NEGR1: variants seen among roughly 807,000 people sequenced by gnomAD.
NEGR1 encodes the protein neuronal growth regulator 1, also known as IgLON family member 4.
A neutral mutation model predicts 40.9 loss-of-function variants in NEGR1; 10 were observed. The ratio of observed to expected loss-of-function variants is 0.24; its 90% CI spans 0.15 to 0.42. NEGR1 has a LOEUF of 0.42. Ranked by LOEUF, NEGR1 falls within the 10% of genes least tolerant of loss-of-function variation. The pLI is 1.00. For missense variants in NEGR1, 352 were observed against 438.9 expected, an observed-to-expected ratio of 0.80 and a Z score of 1.77; for synonymous variants, 185 against 166.8, an observed-to-expected ratio of 1.11 and a Z score of -0.84.
intron 1 of NEGR1, among the ~76,000 whole-genome samples, chr1:72,097,216 A>G (rs1305709817): frequency 1.3e-5 from 2 of 152,196 alleles, no homozygotes; most frequent in Non-Finnish European, 2.9e-5. Context: ...TAGCTAATCA[A>G]TATTTTAACT....
chr1:72,165,638 C>A (rs1428710083), intron 1 of NEGR1, among the ~76,000 whole-genome samples: 1 of 152,008 alleles, frequency 6.6e-6, no homozygotes, highest in Admixed American at 6.6e-5. Context: ...ATCAAGTGCC[C>A]CTTCTTACCA....
intron 2 of NEGR1, among the ~76,000 whole-genome samples, chr1:71,777,703 T>A (rs1656560988): frequency 6.6e-6 from 1 of 152,062 alleles, no homozygotes. Flanking sequence ...GTTGTGACGA[T>A]AAATTACCCA....
chr1:72,235,250 T>C (rs748120217), intron 1 of NEGR1, among the ~76,000 whole-genome samples: 1 of 152,026 alleles, frequency 6.6e-6, no homozygotes, highest in Non-Finnish European at 1.5e-5. Flanking sequence ...GTCCTTGGGA[T>C]AGAATAACAT....
At chr1:71,843,248 T>C (rs1659303889) in intron 2 of NEGR1, among the ~76,000 whole-genome samples, 1 of 152,084 alleles carries the variant, frequency 6.6e-6, no homozygotes, top group South Asian at 2.1e-4. Flanking sequence ...GCTTGTCCTA[T>C]TGCACAGAAA....
chr1:71,732,222 C>T (rs967095887), intron 3 of NEGR1, among the ~76,000 whole-genome samples: 24 of 151,942 alleles, frequency 1.6e-4, no homozygotes, highest in Admixed American at 3.9e-4. Flanking sequence ...GTGGGAGAAT[C>T]GCTTGGGTCC....
At chr1:71,632,317 A>T (rs1310746131) in intron 4 of NEGR1, among the ~76,000 whole-genome samples, 2 of 151,236 alleles carry the variant, frequency 1.3e-5, no homozygotes, top group Non-Finnish European at 3.0e-5. Flanking sequence ...AAATTTTATT[A>T]AAAACAATTA....
chr1:72,142,244 A>AT (rs1279236348), intron 1 of NEGR1, among the ~76,000 whole-genome samples: 2 of 151,770 alleles, frequency 1.3e-5, no homozygotes, highest in Admixed American at 6.6e-5. Context: ...TCAGAGTGTG[A>AT]TTTTTTTCAT....
intron 2 of NEGR1, among the ~76,000 whole-genome samples, chr1:71,835,569 G>T (rs1300699797): frequency 6.6e-6 from 1 of 151,910 alleles, no homozygotes; most frequent in Non-Finnish European, 1.5e-5. Flanking sequence ...GCTTAGTATT[G>T]ATTAACAAAA....
chr1:71,402,125 AT>A lies in NEGR1; in HGVS notation c.*5320del, dbSNP rs948777901. ...CTGGGACTGGAAACAAATTGGGAACATTTTTCATTGCATATTTGGCTCAGAT... is the reference window on the plus strand; with the variant it reads ...CTGGGACTGGAAACAAATTGGGAACATTTTCATTGCATATTTGGCTCAGAT... On this transcript the variant is annotated 3_prime_UTR_variant, in exon 7 of 7. Transcript: ENST00000357731. 47 of 152,232 alleles carry A rather than the reference AT, an allele frequency of 3.1e-4. No individual in the cohort carries two copies. Among genetic ancestry groups the A allele is most frequent in the African/African-American group, 9.9e-4 (41 of 41,552 alleles). 9.4% of individuals were successfully genotyped at this position (152,232 alleles called of 1,614,324 possible).
intron 2 of NEGR1, among the ~76,000 whole-genome samples, chr1:71,881,478 C>G (rs1199106778): frequency 6.6e-6 from 1 of 152,000 alleles, no homozygotes. Context: ...GGCTTTTGCA[C>G]AGATTTCTAC....
intron 6 of NEGR1, among the ~76,000 whole-genome samples, chr1:71,411,368 C>T (rs569382776): frequency 1.3e-5 from 2 of 152,078 alleles, no homozygotes; most frequent in Non-Finnish European, 1.5e-5. Flanking sequence ...AACTTTATAA[C>T]ATCATACTCT....
At chr1:71,904,468 T>A (rs550472174) in intron 2 of NEGR1, among the ~76,000 whole-genome samples, 3 of 152,242 alleles carry the variant, frequency 2.0e-5, no homozygotes, top group African/African-American at 7.2e-5. Flanking sequence ...GAATGTCTGA[T>A]AAAGTAATAT....
At chr1:71,641,011 C>T (rs1466333387) in intron 4 of NEGR1, among the ~76,000 whole-genome samples, 2 of 151,994 alleles carry the variant, frequency 1.3e-5, no homozygotes, top group Non-Finnish European at 2.9e-5. Context: ...TAGAGAAAAC[C>T]AGCTGCAAAT....
intron 6 of NEGR1, among the ~76,000 whole-genome samples, chr1:71,587,225 G>A (rs536115128): frequency 6.6e-6 from 1 of 152,190 alleles, no homozygotes; most frequent in African/African-American, 2.4e-5. Context: ...GCAGAGAGCT[G>A]AAATATTACT....
intron 1 of NEGR1, among the ~76,000 whole-genome samples, chr1:72,085,948 G>T: frequency 7.6e-6 from 1 of 131,592 alleles, no homozygotes; most frequent in South Asian, 2.5e-4. Context: ...CCAGCCTGGC[G>T]ACAGAGTGAG....
At chr1:71,534,936 A>C (rs1236914871) in intron 6 of NEGR1, among the ~76,000 whole-genome samples, 1 of 151,638 alleles carries the variant, frequency 6.6e-6, no homozygotes, top group Non-Finnish European at 1.5e-5. Context: ...ATGATGTTCT[A>C]ATGAACACTG....
chr1:71,619,679 T>C (rs1326075851), intron 4 of NEGR1, among the ~76,000 whole-genome samples: 1 of 151,906 alleles, frequency 6.6e-6, no homozygotes, highest in Non-Finnish European at 1.5e-5. Context: ...AAAGAAAGGG[T>C]CAGCATGAGG....
intron 1 of NEGR1, among the ~76,000 whole-genome samples, chr1:72,020,400 CT>C (rs1468040408): frequency 6.6e-6 from 1 of 152,022 alleles, no homozygotes; most frequent in African/African-American, 2.4e-5. Flanking sequence ...AAAGTAGCAC[CT>C]TTGGTAAGGA....
intron 3 of NEGR1, among the ~76,000 whole-genome samples, chr1:71,775,442 T>C (rs914376688): frequency 6.6e-6 from 1 of 150,864 alleles, no homozygotes; most frequent in African/African-American, 2.4e-5. Context: ...GCCTCCTGGG[T>C]TCAAATGATT....
Sources: allele counts gnomAD v4.1 joint callset (sites outside exome capture counted in the v4.1 genomes callset), GRCh38; gene constraint gnomAD v4.1.1; transcripts MANE v1.5; gene names NCBI Gene and HGNC (gene_info 2026-07-23, HGNC 2026-07-21).